MUC4: variants seen among roughly 807,000 people sequenced by gnomAD.
The protein encoded by MUC4 is mucin 4, cell surface associated.
A neutral mutation model predicts 257.9 loss-of-function variants in MUC4; 202 were observed. The ratio of observed to expected loss-of-function variants is 0.78; its 90% confidence interval spans 0.70 to 0.88. The LOEUF is 0.88. MUC4 is among the 40% of genes least tolerant of loss of function. The probability of loss-of-function intolerance (pLI) is 0.00; values close to 1 mark genes in which losing one functional copy is unlikely to be tolerated. For missense variants in MUC4, 5,976 were observed against 6,513.7 expected (o/e 0.92, Z 2.84); for synonymous variants, 2,351 against 2,757.1 (o/e 0.85, Z 4.62).
At chr3:195,799,612 A>G (rs1735048453) in intron 1 of MUC4, among the ~76,000 whole-genome samples, 1 of 152,218 alleles carries the variant, frequency 6.6e-6, no homozygotes, top group Non-Finnish European at 1.5e-5. Context: ...TAAACACTAA[A>G]TAATAAGCCA....
At chr3:195,748,204 A>G (rs1356697880) in intron 24 of MUC4, among the ~76,000 whole-genome samples, 1 of 152,284 alleles carries the variant, frequency 6.6e-6, no homozygotes, top group Non-Finnish European at 1.5e-5. Context: ...TGGCCTAGAC[A>G]CAGGACTGCA....
chr3:195,769,140 G>C lies in MUC4; in HGVS notation c.13411C>G (p.Gln4471Glu). The C allele has an allele frequency of 6.2e-7, 1 of 1,614,128 alleles. No homozygotes were observed. Among genetic ancestry groups the C allele is most frequent in the Non-Finnish European group, 8.5e-7 (1 of 1,180,004 alleles). The change falls in exon 7 of 25, where the codon CAA becomes GAA. Residue 4471 changes from glutamine (Q) to glutamate (E), a missense_variant. By Grantham distance (29) the Gln-to-Glu change is conservative. Around this residue, in one of 44 missense-constraint regions of MUC4, gnomAD observed 996 missense variants for 1,137.3 expected, o/e 0.88. Coordinates refer to ENST00000463781, the MANE Select transcript of MUC4 (RefSeq NM_018406.7). ...AQWTLGSNTYQAILSTDGSRS... is the reference protein window; with the variant it reads ...AQWTLGSNTYEAILSTDGSRS... The stretch of plus-strand genomic sequence containing the variant: ...CTCCCGTCCGTGGAGAGGATGGCTT[G>C]GTAGGTGTTGCTCTGGGGGTGGGTG...
intron 1 of MUC4, among the ~76,000 whole-genome samples, chr3:195,804,763 G>A (rs550830661): frequency 1.3e-5 from 2 of 152,248 alleles, no homozygotes; most frequent in African/African-American, 2.4e-5. Flanking sequence ...GCGCGCAGAC[G>A]CTGAACCGCT....
Position 195,778,834 on chromosome 3 carries a change from G to A in MUC4, c.12746C>T (p.Ala4249Val), listed in dbSNP as rs762848672. 6.2e-7 allele frequency: 1 copy of A among 1,612,204 alleles called. No individual in the cohort carries two copies. Among genetic ancestry groups the A allele is most frequent in the East Asian group, 2.2e-5 (1 of 44,876 alleles). ...AGGGGAGTCCGAGGATACTGTGGAAGCTGAGGTAGCACTGCTGACAGCAAG... is the reference window on the plus strand; with the variant it reads ...AGGGGAGTCCGAGGATACTGTGGAAACTGAGGTAGCACTGCTGACAGCAAG... ...TPLAVSSATS[A>V]STVSSDSPLK... The change falls in exon 2 of 25, where the codon GCT (alanine) becomes GTT (valine). Residue 4249 changes from alanine (A) to valine (V), a missense_variant. This residue lies in a region of MUC4 where 233 missense variants were observed against 171.2 expected (regional missense o/e 1.36). Transcript: ENST00000463781.
intron 3 of MUC4, among the ~76,000 whole-genome samples, chr3:195,775,299 C>A (rs114973310): frequency 0.024 from 3,357 of 141,216 alleles, 91 homozygotes; most frequent in Middle Eastern, 0.036. Context: ...CCCTTCTTCT[C>A]ATTTTCAGCC....
intron 4 of MUC4, among the ~76,000 whole-genome samples, chr3:195,773,358 G>A (rs1560278927): frequency 6.6e-6 from 1 of 150,566 alleles, no homozygotes; most frequent in Non-Finnish European, 1.5e-5. Context: ...GCTCAGGGGT[G>A]TAGACACCCT....
chr3:195,796,915 C>A (rs188263388), intron 1 of MUC4, among the ~76,000 whole-genome samples: 1 of 152,008 alleles, frequency 6.6e-6, no homozygotes, highest in South Asian at 2.1e-4. Flanking sequence ...AGTAATAATA[C>A]ATGGAAGCAT....
At chr3:195,747,936 G>A (rs1405561363) in intron 24 of MUC4, among the ~76,000 whole-genome samples, 5 of 152,254 alleles carry the variant, frequency 3.3e-5, no homozygotes, top group Admixed American at 6.5e-5. Flanking sequence ...AGGGATGCCG[G>A]CCACAGGTGG....
At position 195,781,546 on chromosome 3, in the gene MUC4, AC is replaced by A. The variant is rs1728015799; in HGVS notation, c.10033del (p.Val3345CysfsTer914). On this transcript the variant is annotated frameshift_variant, in exon 2 of 25. Coordinates refer to ENST00000463781, the MANE Select transcript of MUC4 (RefSeq NM_018406.7). LOFTEE classifies it high-confidence loss of function. The stretch of plus-strand genomic sequence containing the variant: ...TACTGAGGAAGTGTCGGTGACAGGC[AC>A]AGGGGTGGTGTCACCTGTGGATGCT... ...SSASTGDTTP[V>X]PVTDTSSVST... The A allele has an allele frequency of 7.9e-7, 1 of 1,270,198 alleles. No individual in the cohort carries two copies. Among genetic ancestry groups the A allele is most frequent in the Non-Finnish European group, 1.1e-6 (1 of 931,042 alleles). The allele number at this position is 1,270,198 out of a possible 1,614,324, so 78.7% of individuals were successfully genotyped here.
chr3:195,760,596 T>G (rs28734076), intron 16 of MUC4, among the ~76,000 whole-genome samples: 5,631 of 20,168 alleles, frequency 0.28, 654 homozygotes, highest in African/African-American at 0.45. Context: ...CCAGCGCTAG[T>G]ATGGAGTGAA....
rs1168669108 is a variant in MUC4, at chr3:195,780,312, A to C, written c.11268T>G (p.Gly3756=). Residue 3756 remains glycine (G), a synonymous_variant, in exon 2 of 25, where the codon GGT becomes GGG. Transcript: ENST00000463781. ...PVTSTSSAST[G]HATPLLVTDA... ...CGGTGACAAGAAGAGGGGTGGCGTG[A>C]CCTGTGGATGCTGAGGAAGTGCTGG... 9.2e-6 allele frequency: 14 copies of C among 1,526,960 alleles called. 1 individual carries two copies. Among genetic ancestry groups the C allele is most frequent in the African/African-American group, 8.5e-5 (6 of 71,000 alleles). 94.6% of individuals were successfully genotyped at this position (1,526,960 alleles called of 1,614,324 possible). A position where few individuals can be genotyped will look rare whatever the true frequency, so the allele number is the denominator to read the frequency against.
chr3:195,803,696 T>G (rs1201808727), intron 1 of MUC4, among the ~76,000 whole-genome samples: 1 of 151,912 alleles, frequency 6.6e-6, no homozygotes, highest in Non-Finnish European at 1.5e-5. Flanking sequence ...GGCAGGGAAA[T>G]TGAGATTTGA....
intron 15 of MUC4, 152 bp downstream of exon 15, chr3:195,761,332 G>A: frequency 1.3e-6 from 1 of 749,010 alleles, no homozygotes; most frequent in Non-Finnish European, 2.2e-6. Flanking sequence ...AGGCAGGTGG[G>A]CTGGTGGTGG....
At chr3:195,798,258 A>C (rs1734801697) in intron 1 of MUC4, among the ~76,000 whole-genome samples, 1 of 152,276 alleles carries the variant, frequency 6.6e-6, no homozygotes, top group Non-Finnish European at 1.5e-5. Flanking sequence ...CTTAATCTTT[A>C]TGGACAAAAT....
At chr3:195,775,333 C>CT (rs11416201) in intron 3 of MUC4, among the ~76,000 whole-genome samples, 72,654 of 91,002 alleles carry the variant, frequency 0.8, 29,686 homozygotes, top group African/African-American at 0.93. Context: ...CGGGGATCCA[C>CT]CCCCATGCAG....
chr3:195,752,792 C>CG (rs1716735488), intron 20 of MUC4, among the ~76,000 whole-genome samples: 1 of 152,216 alleles, frequency 6.6e-6, no homozygotes, highest in African/African-American at 2.4e-5. Context: ...GCCTCCCCAG[C>CG]GCTCATCTCA....
intron 1 of MUC4, among the ~76,000 whole-genome samples, chr3:195,799,427 A>G (rs1266047615): frequency 6.6e-6 from 1 of 152,092 alleles, no homozygotes; most frequent in Non-Finnish European, 1.5e-5. Flanking sequence ...CAGCCTCCCA[A>G]GTAGCTGGGA....
Position 195,811,878 on chromosome 3 carries a change from T to G in MUC4, c.-61A>C. On this transcript the variant is annotated 5_prime_UTR_variant, in exon 1 of 25. Transcript: ENST00000463781. ...GCTCCACGGCCCAGCAGCTGCAGTG[T>G]GAGGAGCAGACGTGAGCCCGTCCCC... 1 of 1,545,600 alleles carries G rather than the reference T, an allele frequency of 6.5e-7. No individual in the cohort carries two copies. Among genetic ancestry groups the G allele is most frequent in the Non-Finnish European group, 8.9e-7 (1 of 1,122,306 alleles).
chr3:195,806,568 T>C (rs569167844), intron 1 of MUC4, among the ~76,000 whole-genome samples: 14 of 152,236 alleles, frequency 9.2e-5, no homozygotes, highest in Non-Finnish European at 2.1e-4. Context: ...TAGAACAATG[T>C]CAGGAACTTA....
Sources: gnomAD v4.1 joint callset for allele counts (sites outside exome capture counted in the v4.1 genomes callset) on GRCh38, gnomAD v4.1.1 for gene constraint, gnomAD v4.1.1 regional missense constraint, MANE v1.5 for transcripts, NCBI Gene and HGNC (gene_info 2026-07-23, HGNC 2026-07-21) for gene names.